LOC128092252: variants seen among roughly 807,000 people sequenced by gnomAD.
chr15:50,655,750 C>A, the LOC128092252 span, among the ~76,000 whole-genome samples: 1 of 152,172 alleles, frequency 6.6e-6, no homozygotes, highest in Non-Finnish European at 1.5e-5. Context: ...GGAATTCCAG[C>A]ACTTTGGGAG....
chr15:50,656,828 C>A, the LOC128092252 span, among the ~76,000 whole-genome samples: 1 of 152,134 alleles, frequency 6.6e-6, no homozygotes, highest in African/African-American at 2.4e-5. Flanking sequence ...AATGTAGTTA[C>A]CATGCTCAAA....
the LOC128092252 span, among the ~76,000 whole-genome samples, chr15:50,684,544 G>A: frequency 6.6e-6 from 1 of 152,042 alleles, no homozygotes; most frequent in Non-Finnish European, 1.5e-5. Context: ...GGGAGGCTGA[G>A]GCAGGAGAAT....
At chr15:50,684,429 TC>T in the LOC128092252 span, among the ~76,000 whole-genome samples, 1 of 151,954 alleles carries the variant, frequency 6.6e-6, no homozygotes, top group African/African-American at 2.4e-5. Flanking sequence ...TCACTGGACA[TC>T]AGGAGTTCAA....
the LOC128092252 span, among the ~76,000 whole-genome samples, chr15:50,679,526 A>G: frequency 2.2e-5 from 1 of 46,176 alleles, no homozygotes; most frequent in Admixed American, 1.8e-4. Flanking sequence ...ATATATATAT[A>G]TATATATATA....
chr15:50,686,238 G>A, the LOC128092252 span, among the ~76,000 whole-genome samples: 1 of 152,258 alleles, frequency 6.6e-6, no homozygotes, highest in East Asian at 1.9e-4. Flanking sequence ...GCCCAGCCAG[G>A]TAGTCCCGGG....
the LOC128092252 span, among the ~76,000 whole-genome samples, chr15:50,651,256 A>G: frequency 6.6e-6 from 1 of 152,228 alleles, no homozygotes; most frequent in East Asian, 1.9e-4. Context: ...TATCAATAAA[A>G]TAAAATCACT....
the LOC128092252 span, among the ~76,000 whole-genome samples, chr15:50,677,651 A>G: frequency 6.8e-6 from 1 of 146,536 alleles, no homozygotes; most frequent in Non-Finnish European, 1.5e-5. Flanking sequence ...AGGCAGAAGA[A>G]TTGCTTGAAT....
the LOC128092252 span, among the ~76,000 whole-genome samples, chr15:50,685,100 T>C: frequency 6.6e-6 from 1 of 152,230 alleles, no homozygotes; most frequent in East Asian, 1.9e-4. Flanking sequence ...ATTCACATGG[T>C]TGAAGCTGTT....
At chr15:50,685,840 G>C in the LOC128092252 span, among the ~76,000 whole-genome samples, 2 of 152,136 alleles carry the variant, frequency 1.3e-5, no homozygotes, top group African/African-American at 4.8e-5. Context: ...CTGGGGCAAG[G>C]GATGCGGTAG....
chr15:50,680,222 A>G, the LOC128092252 span, among the ~76,000 whole-genome samples: 1 of 151,832 alleles, frequency 6.6e-6, no homozygotes, highest in Non-Finnish European at 1.5e-5. Flanking sequence ...TGACAGAGCA[A>G]GACTCCATCT....
chr15:50,676,278 T>C, the LOC128092252 span, among the ~76,000 whole-genome samples: 2 of 152,214 alleles, frequency 1.3e-5, no homozygotes, highest in African/African-American at 2.4e-5. Flanking sequence ...AAAATTCTGC[T>C]GTTAAGGTAA....
At chr15:50,678,075 T>TA in the LOC128092252 span, among the ~76,000 whole-genome samples, 20,777 of 150,580 alleles carry the variant, frequency 0.14, 1,471 homozygotes, top group Middle Eastern at 0.2. Context: ...ACGTCTCTAC[T>TA]AAAAAAATAC....
chr15:50,670,325 G>GCATCC, the LOC128092252 span, among the ~76,000 whole-genome samples: 91 of 152,238 alleles, frequency 6.0e-4, no homozygotes, highest in African/African-American at 2.0e-3. Context: ...CTGCTGGGCT[G>GCATCC]CATTCCCAGT....
chr15:50,665,064 CAG>C, the LOC128092252 span, among the ~76,000 whole-genome samples: 2 of 152,088 alleles, frequency 1.3e-5, no homozygotes, highest in African/African-American at 4.8e-5. Context: ...ATATTAGAAA[CAG>C]AAGATCCATT....
the LOC128092252 span, among the ~76,000 whole-genome samples, chr15:50,672,609 T>C: frequency 6.6e-6 from 1 of 151,726 alleles, no homozygotes; most frequent in South Asian, 2.1e-4. Flanking sequence ...AATTTTAAAA[T>C]GTTGAAATAG....
the LOC128092252 span, among the ~76,000 whole-genome samples, chr15:50,664,862 G>A: frequency 1.3e-5 from 2 of 152,226 alleles, no homozygotes; most frequent in African/African-American, 4.8e-5. Context: ...CTACTCAGGG[G>A]GCTGAGGTGA....
At chr15:50,649,118 T>G in the LOC128092252 span, among the ~76,000 whole-genome samples, 1 of 152,068 alleles carries the variant, frequency 6.6e-6, no homozygotes, top group Non-Finnish European at 1.5e-5. Flanking sequence ...ACATGAGGCA[T>G]CTACAAAACA....
the LOC128092252 span, among the ~76,000 whole-genome samples, chr15:50,655,120 G>GA: frequency 7.8e-6 from 1 of 128,478 alleles, no homozygotes; most frequent in African/African-American, 2.8e-5. Context: ...ATCAGATAAA[G>GA]AAAAAAAAGT....
chr15:50,672,081 G>A, the LOC128092252 span, among the ~76,000 whole-genome samples: 1 of 151,978 alleles, frequency 6.6e-6, no homozygotes. Flanking sequence ...TTTTGAGACG[G>A]AGTCTCACTG....
Sources: allele counts gnomAD v4.1 joint callset (sites outside exome capture counted in the v4.1 genomes callset), GRCh38; gene constraint gnomAD v4.1.1; transcripts MANE v1.5.